The following CAMK2D variants were observed in gnomAD, a reference collection of about 807,000 sequenced individuals.
CAMK2D encodes calcium/calmodulin dependent protein kinase II delta.
CAMK2D carries 37 observed loss-of-function variants against 84.0 expected under a neutral mutation model. That is an observed-to-expected ratio of 0.44 (90% CI 0.34 to 0.58). CAMK2D has a LOEUF of 0.58. Among genes scored for constraint, CAMK2D ranks in the 20% least tolerant of loss-of-function variants. The pLI, the probability that CAMK2D is intolerant of heterozygous loss-of-function variation, is 0.02. For synonymous variants in CAMK2D, 202 were observed against 212.5 expected, an observed-to-expected ratio of 0.95 and a Z score of 0.43; for missense variants, 448 against 652.5, an observed-to-expected ratio of 0.69 and a Z score of 3.41.
chr4:113,650,585 T>C, intron 3 of CAMK2D, among the ~76,000 whole-genome samples: 1 of 152,106 alleles, frequency 6.6e-6, no homozygotes, highest in East Asian at 1.9e-4. Context: ...ACATTTCATT[T>C]ATTAAATTTT....
chr4:113,454,402 T>C lies in CAMK2D; in HGVS notation c.*143A>G. The C allele has an allele frequency of 1.3e-6, 1 of 741,022 alleles. No homozygotes were observed. The highest frequency in any genetic ancestry group is 2.5e-5 in the East Asian group (1 of 40,264). 45.9% of individuals were successfully genotyped at this position (741,022 alleles called of 1,614,324 possible). A position where few individuals can be genotyped will look rare whatever the true frequency, so the allele number is the denominator to read the frequency against. ...TCACATATGCATTACATGTAGGACC[T>C]TCACAACTTCATGCACTCAGAAACA... On this transcript the variant is annotated 3_prime_UTR_variant, in exon 21 of 21. Transcript: ENST00000511664.
intron 2 of CAMK2D, among the ~76,000 whole-genome samples, chr4:113,740,980 G>C (rs2099591588): frequency 6.6e-6 from 1 of 152,108 alleles, no homozygotes. Context: ...ATAAAATCTT[G>C]TAACACCTAA....
intron 2 of CAMK2D, among the ~76,000 whole-genome samples, chr4:113,702,261 G>A (rs1170931807): frequency 1.3e-5 from 2 of 152,172 alleles, no homozygotes; most frequent in Non-Finnish European, 2.9e-5. Flanking sequence ...TAGAACAAGG[G>A]TAAGCAAACT....
intron 3 of CAMK2D, among the ~76,000 whole-genome samples, chr4:113,617,377 C>T (rs1007752701): frequency 1.3e-5 from 2 of 151,586 alleles, no homozygotes; most frequent in Non-Finnish European, 2.9e-5. Context: ...GCAGGAGAAT[C>T]GCTTGAACCA....
chr4:113,514,644 A>G (rs1051389531), intron 10 of CAMK2D, among the ~76,000 whole-genome samples: 10 of 152,148 alleles, frequency 6.6e-5, no homozygotes, highest in Non-Finnish European at 1.2e-4. Context: ...TCAGACTACT[A>G]TGACCATTAT....
At chr4:113,704,424 TAA>T (rs2099434875) in intron 2 of CAMK2D, among the ~76,000 whole-genome samples, 1 of 152,198 alleles carries the variant, frequency 6.6e-6, no homozygotes, top group African/African-American at 2.4e-5. Flanking sequence ...ACTAGCAATT[TAA>T]GTTTTATTAT....
Position 113,761,663 on chromosome 4 carries a change from G to C in CAMK2D, c.-595C>G. On this transcript the variant is annotated 5_prime_UTR_variant, in exon 1 of 21. Coordinates refer to ENST00000511664, the MANE Select transcript of CAMK2D (RefSeq NM_001321571.2). Reference sequence around the variant, plus strand: ...CCCTCCGGCGGGCGGCAGCGGCTCCGGCGAAGCGAGGCACCTTGGCGGCCT... The same window carrying C: ...CCCTCCGGCGGGCGGCAGCGGCTCCCGCGAAGCGAGGCACCTTGGCGGCCT... 2.0e-6 allele frequency: 2 copies of C among 984,932 alleles called. No homozygotes were observed. Among genetic ancestry groups the C allele is most frequent in the Non-Finnish European group, 1.2e-6 (1 of 829,644 alleles). The allele number at this position is 984,932 out of a possible 1,614,324, so 61.0% of individuals were successfully genotyped here. A position where few individuals can be genotyped will look rare whatever the true frequency, so the allele number is the denominator to read the frequency against.
intron 2 of CAMK2D, among the ~76,000 whole-genome samples, chr4:113,671,702 T>C (rs998085180): frequency 1.3e-5 from 2 of 152,212 alleles, no homozygotes; most frequent in Non-Finnish European, 2.9e-5. Flanking sequence ...GCCATCCCAA[T>C]GTAGGGATGT....
At chr4:113,689,737 T>G (rs1384852539) in intron 2 of CAMK2D, among the ~76,000 whole-genome samples, 1 of 152,210 alleles carries the variant, frequency 6.6e-6, no homozygotes, top group African/African-American at 2.4e-5. Flanking sequence ...TGGAATCACA[T>G]CACTTTTGTT....
At chr4:113,558,750 T>C (rs1322235733) in intron 4 of CAMK2D, among the ~76,000 whole-genome samples, 1 of 147,874 alleles carries the variant, frequency 6.8e-6, no homozygotes, top group Non-Finnish European at 1.5e-5. Context: ...CTCACGCCTA[T>C]ACTCCCTGCA....
chr4:113,754,934 C>T (rs1213360196), intron 2 of CAMK2D: 1 of 984,242 alleles, frequency 1.0e-6, no homozygotes, highest in African/African-American at 1.8e-5. Flanking sequence ...GTTGTTCTTG[C>T]CAAGAAACCT....
At chr4:113,652,364 C>T (rs1592524372) in intron 3 of CAMK2D, among the ~76,000 whole-genome samples, 1 of 152,262 alleles carries the variant, frequency 6.6e-6, no homozygotes, top group African/African-American at 2.4e-5. Context: ...TGGTGAAGTT[C>T]TTTGGAATTC....
At chr4:113,454,923 T>C (rs532671038) in intron 20 of CAMK2D, among the ~76,000 whole-genome samples, 26 of 152,298 alleles carry the variant, frequency 1.7e-4, no homozygotes, top group African/African-American at 4.6e-4. Context: ...GTTAGATTCC[T>C]TGGGAAATGA....
intron 3 of CAMK2D, among the ~76,000 whole-genome samples, chr4:113,615,154 G>C (rs988485023): frequency 6.6e-6 from 1 of 152,056 alleles, no homozygotes; most frequent in South Asian, 2.1e-4. Context: ...ATTCCCATCA[G>C]TAGTTAATTA....
At chr4:113,646,772 T>A (rs1242615539) in intron 3 of CAMK2D, among the ~76,000 whole-genome samples, 1 of 152,216 alleles carries the variant, frequency 6.6e-6, no homozygotes, top group East Asian at 1.9e-4. Context: ...CATCCCCTCG[T>A]TCTCTGAGTG....
intron 1 of CAMK2D, among the ~76,000 whole-genome samples, chr4:113,760,768 GAGA>G (rs2099639552): frequency 6.6e-6 from 1 of 152,128 alleles, no homozygotes; most frequent in African/African-American, 2.4e-5. Context: ...GGGGGACCGG[GAGA>G]AGGTGGGCTA....
chr4:113,637,740 C>A (rs868373272), intron 3 of CAMK2D, among the ~76,000 whole-genome samples: 1 of 152,134 alleles, frequency 6.6e-6, no homozygotes, highest in East Asian at 1.9e-4. Context: ...ATAATCTGAA[C>A]TTTTTTCCTA....
chr4:113,457,356 C>T lies in CAMK2D; in HGVS notation c.1514G>A (p.Gly505Glu). Reference sequence around the variant, plus strand: ...TTACTTGATGGGTACTGTTGGTGACCCCGAGCGATGAAAATGAACATTCTG... The same window carrying T: ...TTACTTGATGGGTACTGTTGGTGACTCCGAGCGATGAAAATGAACATTCTG... Reference protein sequence around the residue: ...KWQNVHFHRSGSPTVPIKPPC... With the variant: ...KWQNVHFHRSESPTVPIKPPC... The change falls in exon 19 of 21, where the codon GGG (glycine) becomes GAG (glutamate). Residue 505 changes from glycine to glutamate, a missense_variant. By Grantham distance (98) the Gly-to-Glu change is moderately conservative. Coordinates refer to ENST00000511664, the MANE Select transcript of CAMK2D (RefSeq NM_001321571.2). 6.2e-7 allele frequency: 1 copy of T among 1,613,560 alleles called. No homozygotes were observed. Among genetic ancestry groups the T allele is most frequent in the East Asian group, 2.2e-5 (1 of 44,868 alleles).
chr4:113,748,921 A>G (rs1340532151), intron 2 of CAMK2D, among the ~76,000 whole-genome samples: 1 of 151,900 alleles, frequency 6.6e-6, no homozygotes, highest in Non-Finnish European at 1.5e-5. Flanking sequence ...TGAAGTTTGT[A>G]ATTCTATACC....
Sources: allele counts gnomAD v4.1 joint callset (sites outside exome capture counted in the v4.1 genomes callset), GRCh38; gene constraint gnomAD v4.1.1; transcripts MANE v1.5; gene names NCBI Gene and HGNC (gene_info 2026-07-23, HGNC 2026-07-21).